Variants in CHCHD3 observed in about 807,000 individuals in gnomAD.
CHCHD3 encodes coiled-coil-helix-coiled-coil-helix domain containing 3.
Under a neutral mutation model 38.2 loss-of-function variants are expected in CHCHD3, and 20 were observed. That is an observed-to-expected ratio of 0.52 (90% confidence interval 0.37 to 0.76). CHCHD3 has a LOEUF of 0.76. CHCHD3 is among the 30% of genes least tolerant of loss of function. The pLI, the probability that CHCHD3 is intolerant of heterozygous loss-of-function variation, is 0.00. For synonymous variants in CHCHD3, 82 were observed against 100.0 expected, an observed-to-expected ratio of 0.82 and a Z score of 1.07; for missense variants, 245 against 279.2, an observed-to-expected ratio of 0.88 and a Z score of 0.87.
intron 5 of CHCHD3, among the ~76,000 whole-genome samples, chr7:132,841,728 G>C (rs1450422531): frequency 1.3e-5 from 2 of 152,194 alleles, no homozygotes; most frequent in Non-Finnish European, 2.9e-5. Flanking sequence ...ACAAAGTATG[G>C]GAACACGGGC....
At chr7:132,863,113 C>T (rs1013411294) in intron 5 of CHCHD3, among the ~76,000 whole-genome samples, 5 of 152,118 alleles carry the variant, frequency 3.3e-5, no homozygotes, top group South Asian at 2.1e-4. Flanking sequence ...AACTCTTGCC[C>T]GGAAGGTTTT....
chr7:132,838,352 C>A, intron 6 of CHCHD3, 47 bp downstream of exon 6: 1 of 1,289,996 alleles, frequency 7.8e-7, no homozygotes, highest in Admixed American at 1.7e-5. Flanking sequence ...ACTGTGCTTT[C>A]ATCTTGTTAA....
chr7:132,891,710 T>C (rs1809365924), intron 4 of CHCHD3, among the ~76,000 whole-genome samples: 1 of 152,224 alleles, frequency 6.6e-6, no homozygotes, highest in South Asian at 2.1e-4. Context: ...CCAAATCTTA[T>C]CTTGAACTGT....
chr7:132,885,526 C>T, intron 5 of CHCHD3, 136 bp downstream of exon 5: 1 of 635,958 alleles, frequency 1.6e-6, no homozygotes. Context: ...GAACTAACTA[C>T]CTGCTTTGCT....
At chr7:132,984,461 T>C (rs1812024265) in intron 3 of CHCHD3, among the ~76,000 whole-genome samples, 1 of 149,142 alleles carries the variant, frequency 6.7e-6, no homozygotes, top group East Asian at 2.0e-4. Context: ...AGTGCCGAGA[T>C]TGCAGCCTCT....
intron 4 of CHCHD3, among the ~76,000 whole-genome samples, chr7:132,911,106 C>G (rs139980724): frequency 1.3e-5 from 2 of 152,224 alleles, no homozygotes; most frequent in East Asian, 3.9e-4. Context: ...GTTAAAAGGG[C>G]AAGAAGAGAT....
chr7:133,012,295 T>C (rs186377522), intron 3 of CHCHD3, among the ~76,000 whole-genome samples: 2 of 152,348 alleles, frequency 1.3e-5, no homozygotes, highest in Admixed American at 1.3e-4. Flanking sequence ...TACAGTAATA[T>C]TAATTTTTAC....
At chr7:132,889,863 T>A (rs950869913) in intron 4 of CHCHD3, among the ~76,000 whole-genome samples, 2 of 152,172 alleles carry the variant, frequency 1.3e-5, no homozygotes, top group Non-Finnish European at 2.9e-5. Flanking sequence ...GTAAACCTAC[T>A]GCAAGGAAAT....
intron 3 of CHCHD3, among the ~76,000 whole-genome samples, chr7:133,005,775 C>G (rs1305509078): frequency 6.6e-6 from 1 of 152,138 alleles, no homozygotes; most frequent in Admixed American, 6.5e-5. Context: ...TGTCACAAAG[C>G]TGTTTTATTT....
At chr7:132,854,925 T>C (rs961587277) in intron 5 of CHCHD3, among the ~76,000 whole-genome samples, 1 of 152,190 alleles carries the variant, frequency 6.6e-6, no homozygotes, top group African/African-American at 2.4e-5. Context: ...GGAGAGCTGG[T>C]TGAGTCTTGG....
intron 3 of CHCHD3, among the ~76,000 whole-genome samples, chr7:132,986,294 A>G (rs572633377): frequency 6.7e-6 from 1 of 149,282 alleles, no homozygotes; most frequent in African/African-American, 2.5e-5. Context: ...TCTGCCTAGG[A>G]AAACCAGAGA....
chr7:133,050,958 G>C (rs1473341293), intron 2 of CHCHD3, among the ~76,000 whole-genome samples: 1 of 152,200 alleles, frequency 6.6e-6, no homozygotes, highest in Non-Finnish European at 1.5e-5. Context: ...AGAGACTGCA[G>C]TGAGCTGAGA....
At chr7:133,034,969 C>T (rs1813621363) in intron 2 of CHCHD3, 3 of 1,602,864 alleles carry the variant, frequency 1.9e-6, no homozygotes, top group South Asian at 1.1e-5. Flanking sequence ...AGGGACCAGC[C>T]GTCCTTATCA....
chr7:132,842,678 C>G (rs1328672994), intron 5 of CHCHD3, among the ~76,000 whole-genome samples: 2 of 152,148 alleles, frequency 1.3e-5, no homozygotes, highest in African/African-American at 4.8e-5. Flanking sequence ...TGTAGAGTGA[C>G]TCGTGATTTG....
At chr7:132,871,897 T>C (rs1409923790) in intron 5 of CHCHD3, among the ~76,000 whole-genome samples, 1 of 152,184 alleles carries the variant, frequency 6.6e-6, no homozygotes, top group Non-Finnish European at 1.5e-5. Flanking sequence ...ATTATGGATG[T>C]ATTTGTCAAT....
intron 4 of CHCHD3, among the ~76,000 whole-genome samples, chr7:132,968,504 G>C (rs1315070084): frequency 6.6e-6 from 1 of 152,164 alleles, no homozygotes; most frequent in African/African-American, 2.4e-5. Flanking sequence ...GGAATTCAAA[G>C]CAAACTAATA....
intron 6 of CHCHD3, among the ~76,000 whole-genome samples, chr7:132,829,230 T>A (rs990489514): frequency 6.6e-6 from 1 of 152,152 alleles, no homozygotes; most frequent in Admixed American, 6.6e-5. Context: ...TAAGCAAGGA[T>A]CAATAAACAA....
At position 133,035,822 on chromosome 7, in the gene CHCHD3, G is replaced by C. The variant is rs909975765; in HGVS notation, c.170-11195C>G. ...GGCCAAAATGGAAGTGGGGTGGTGC[G>C]GAGAGCACGCGGATCTGAGCCCCGC... On this transcript the variant is annotated intron_variant, in intron 2 of 7. Transcript: ENST00000262570. The surrounding 1 kb of genome is among the most constrained non-coding windows in gnomAD (Gnocchi z 4.7). The C allele has an allele frequency of 7.4e-6, 12 of 1,612,922 alleles. No individual in the cohort carries two copies. Among genetic ancestry groups the C allele is most frequent in the African/African-American group, 1.3e-5 (1 of 74,900 alleles).
intron 5 of CHCHD3, among the ~76,000 whole-genome samples, chr7:132,864,895 A>G (rs1808580814): frequency 1.3e-5 from 2 of 152,210 alleles, no homozygotes; most frequent in African/African-American, 4.8e-5. Context: ...CCTGCATAAC[A>G]TCCTTCCCAG....
Sources: gnomAD v4.1 joint callset for allele counts (sites outside exome capture counted in the v4.1 genomes callset) on GRCh38, gnomAD v4.1.1 for gene constraint, Gnocchi (gnomAD v3.1) non-coding constraint, MANE v1.5 for transcripts, NCBI Gene and HGNC (gene_info 2026-07-23, HGNC 2026-07-21) for gene names.